MDGA2: variants seen among roughly 807,000 people sequenced by gnomAD.
The protein encoded by MDGA2 is MAM domain-containing glycosylphosphatidylinositol anchor protein 2.
MDGA2 carries 40 observed loss-of-function variants against 117.8 expected under a neutral mutation model. The ratio of observed to expected loss-of-function variants is 0.34; its 90% CI spans 0.26 to 0.44. The LOEUF is 0.44. Among genes scored for constraint, MDGA2 ranks in the 20% least tolerant of loss-of-function variants. The pLI is 1.00. For synonymous variants in MDGA2, 452 were observed against 439.0 expected (o/e 1.03, Z -0.37); for missense variants, 1,123 against 1,250.6 (o/e 0.90, Z 1.54).
chr14:47,395,215 T>TA (rs60451388), intron 1 of MDGA2, among the ~76,000 whole-genome samples: 150,105 of 152,280 alleles, frequency 0.99, 74,022 homozygotes, highest in East Asian at 1. Context: ...TATTGCAACA[T>TA]AATATCACAC....
At chr14:47,290,651 G>T (rs970855961) in intron 2 of MDGA2, among the ~76,000 whole-genome samples, 2 of 151,966 alleles carry the variant, frequency 1.3e-5, no homozygotes, top group East Asian at 3.9e-4. Context: ...AGCAACACAG[G>T]TCAGCAGCAA....
At chr14:47,380,086 C>T (rs577003964) in intron 1 of MDGA2, among the ~76,000 whole-genome samples, 24 of 152,290 alleles carry the variant, frequency 1.6e-4, no homozygotes, top group Non-Finnish European at 3.2e-4. Context: ...AACTGCTCAA[C>T]TACATGGAAA....
chr14:47,384,015 A>AG (rs1555378184), intron 1 of MDGA2, among the ~76,000 whole-genome samples: 63,315 of 108,810 alleles, frequency 0.58, 13,984 homozygotes, highest in East Asian at 0.7. Flanking sequence ...ATAGATAGAT[A>AG]ATAGATAGAT....
chr14:47,084,571 G>A (rs1300344742), intron 6 of MDGA2, among the ~76,000 whole-genome samples: 1 of 151,320 alleles, frequency 6.6e-6, no homozygotes, highest in Non-Finnish European at 1.5e-5. Context: ...TGGACTGAAT[G>A]CATGTGTTTT....
At chr14:47,382,516 C>A (rs1346751444) in intron 1 of MDGA2, among the ~76,000 whole-genome samples, 1 of 152,080 alleles carries the variant, frequency 6.6e-6, no homozygotes, top group Admixed American at 6.5e-5. Flanking sequence ...AAGAAAAAAT[C>A]AAACAAACCC....
At chr14:46,849,511 A>T (rs1403290839) in intron 15 of MDGA2, among the ~76,000 whole-genome samples, 1 of 151,904 alleles carries the variant, frequency 6.6e-6, no homozygotes, top group Admixed American at 6.6e-5. Context: ...TTTACTTGAC[A>T]TGGTTTCTGT....
chr14:47,098,023 G>A (rs1880077278), intron 5 of MDGA2, among the ~76,000 whole-genome samples: 1 of 151,572 alleles, frequency 6.6e-6, no homozygotes, highest in Non-Finnish European at 1.5e-5. Flanking sequence ...CCTAAATAAT[G>A]CATCCCTAAA....
chr14:46,920,705 C>T (rs1884093965), intron 9 of MDGA2, among the ~76,000 whole-genome samples: 2 of 152,034 alleles, frequency 1.3e-5, no homozygotes, highest in South Asian at 2.1e-4. Context: ...AAAACCACAC[C>T]GATGCCTGAG....
chr14:46,981,239 A>G (rs1594490674), intron 8 of MDGA2, among the ~76,000 whole-genome samples: 1 of 151,878 alleles, frequency 6.6e-6, no homozygotes, highest in African/African-American at 2.4e-5. Flanking sequence ...CCCCGTCTCT[A>G]CTAAAAATAC....
intron 1 of MDGA2, among the ~76,000 whole-genome samples, chr14:47,654,659 C>T (rs541805580): frequency 6.6e-6 from 1 of 152,116 alleles, no homozygotes; most frequent in South Asian, 2.1e-4. Context: ...AGATCTCCAC[C>T]TATGAAGACA....
At chr14:47,618,883 T>C (rs1280863135) in intron 1 of MDGA2, among the ~76,000 whole-genome samples, 1 of 151,942 alleles carries the variant, frequency 6.6e-6, no homozygotes, top group Non-Finnish European at 1.5e-5. Flanking sequence ...TTCAAAGCAA[T>C]CACAGAAAAG....
At chr14:47,036,593 C>T (rs537254334) in intron 7 of MDGA2, among the ~76,000 whole-genome samples, 14 of 152,284 alleles carry the variant, frequency 9.2e-5, no homozygotes, top group African/African-American at 3.4e-4. Context: ...ATACGAATAA[C>T]CAGAAACATG....
chr14:47,000,632 G>C (rs1441842666), intron 8 of MDGA2, among the ~76,000 whole-genome samples: 1 of 150,960 alleles, frequency 6.6e-6, no homozygotes, highest in Admixed American at 6.7e-5. Context: ...AAAAGTTTTT[G>C]AGATCTTTTA....
In MDGA2 at chr14:47,619,561, C is replaced by T. The variant is rs79353149; in HGVS notation, c.280+54956G>A. 6.2e-3 allele frequency among the ~76,000 whole-genome samples: 947 copies of T among 152,266 alleles called. 12 individuals are homozygous for T. Among genetic ancestry groups the T allele is most frequent in the African/African-American group, 0.022 (895 of 41,554 alleles). ...GCAGATAAAGGGCACAGTGACACAT[C>T]TCTCCAGCTTTCGGATGGCAAACAT... is the stretch of plus-strand genomic sequence containing the variant. On this transcript the variant is annotated intron_variant, in intron 1 of 16. Transcript: ENST00000399232.
chr14:46,979,773 G>A (rs1278979220), intron 8 of MDGA2, among the ~76,000 whole-genome samples: 1 of 152,168 alleles, frequency 6.6e-6, no homozygotes, highest in Non-Finnish European at 1.5e-5. Flanking sequence ...GATTGATGGT[G>A]TTAAAGGTAA....
intron 1 of MDGA2, among the ~76,000 whole-genome samples, chr14:47,366,991 A>T (rs904674814): frequency 1.5e-4 from 23 of 152,012 alleles, no homozygotes; most frequent in African/African-American, 5.3e-4. Context: ...CTTAATCTAC[A>T]TTGTTAGAAC....
chr14:47,633,016 G>A (rs1897265260), intron 1 of MDGA2, among the ~76,000 whole-genome samples: 1 of 152,114 alleles, frequency 6.6e-6, no homozygotes, highest in Admixed American at 6.5e-5. Flanking sequence ...AATGTTAAAT[G>A]AGATAATGCT....
chr14:46,886,599 G>T (rs1882686488), intron 10 of MDGA2, among the ~76,000 whole-genome samples: 1 of 151,444 alleles, frequency 6.6e-6, no homozygotes, highest in Non-Finnish European at 1.5e-5. Context: ...GGTGATTTTT[G>T]TTTTGTTTTG....
intron 2 of MDGA2, among the ~76,000 whole-genome samples, chr14:47,295,010 T>G (rs1889015738): frequency 6.6e-6 from 1 of 152,236 alleles, no homozygotes; most frequent in South Asian, 2.1e-4. Context: ...CAAATTTTTT[T>G]ATGCAAAAAG....
Sources: allele counts gnomAD v4.1 joint callset (sites outside exome capture counted in the v4.1 genomes callset), GRCh38; gene constraint gnomAD v4.1.1; transcripts MANE v1.5; gene names NCBI Gene and HGNC (gene_info 2026-07-23, HGNC 2026-07-21).